The following DNAJC15 variants were observed in gnomAD, a reference collection of about 807,000 sequenced individuals.
DNAJC15 encodes the protein DnaJ heat shock protein family (Hsp40) member C15.
In DNAJC15, 27 loss-of-function variants were observed where a neutral mutation model predicts 22.4. That is an observed-to-expected ratio of 1.20 (90% CI 0.89 to 1.66). The LOEUF (loss-of-function observed/expected upper bound fraction) is 1.66, where lower values mean the gene tolerates loss of function less well. Ranked by LOEUF, DNAJC15 falls within the 40% of genes most tolerant of loss-of-function variation. The pLI is 0.00. For missense variants in DNAJC15, 208 were observed against 187.1 expected (o/e 1.11, Z -0.65); for synonymous variants, 79 against 63.2 (o/e 1.25, Z -1.19).
intron 1 of DNAJC15, among the ~76,000 whole-genome samples, chr13:43,046,667 C>T (rs1373103492): frequency 6.6e-6 from 1 of 152,164 alleles, no homozygotes. Flanking sequence ...GGGCAACCCC[C>T]TTTGGGTCCT....
intron 5 of DNAJC15, among the ~76,000 whole-genome samples, chr13:43,103,887 TG>T (rs1336034711): frequency 1.1e-4 from 16 of 152,218 alleles, no homozygotes; most frequent in Non-Finnish European, 2.1e-4. Flanking sequence ...ACTGTGAAAT[TG>T]GCTGTTTTAT....
chr13:43,061,928 T>C (rs2040561023), intron 1 of DNAJC15, among the ~76,000 whole-genome samples: 1 of 152,240 alleles, frequency 6.6e-6, no homozygotes, highest in South Asian at 2.1e-4. Context: ...CAAGTTTCTA[T>C]GTAGGACTCA....
chr13:43,107,294 A>G lies in DNAJC15; in HGVS notation c.*46A>G, dbSNP rs2040802025. The G allele has an allele frequency of 6.8e-7, 1 of 1,467,382 alleles. No individual in the cohort carries two copies. Among genetic ancestry groups the G allele is most frequent in the Non-Finnish European group, 9.0e-7 (1 of 1,105,116 alleles). The allele number at this position is 1,467,382 out of a possible 1,614,324, so 90.9% of individuals were successfully genotyped here. On this transcript the variant is annotated 3_prime_UTR_variant, in exon 6 of 6. Transcript: ENST00000379221. ...GGAAAAAAAAAGAGGGGACTTCGAA[A>G]AAAAAAAAAGCCCTGCAAAATATTC...
rs149797069 is a variant in DNAJC15 at position 43,109,697 on chromosome 13, A to C, written c.*2449A>C. ...TAAAATAGAGAAAATAATCCTACAC[A>C]CCGGGGCCTGTTGTGGGGCGGGGAG... On this transcript the variant is annotated 3_prime_UTR_variant, in exon 6 of 6. Transcript: ENST00000379221. The C allele has an allele frequency of 1.1e-3, 168 of 150,136 alleles. 1 individual carries two copies. Among genetic ancestry groups the C allele is most frequent in the African/African-American group, 3.6e-3 (148 of 41,146 alleles). The allele number at this position is 150,136 out of a possible 1,614,324, so 9.3% of individuals were successfully genotyped here.
intron 1 of DNAJC15, among the ~76,000 whole-genome samples, chr13:43,031,146 G>C (rs2040402611): frequency 6.6e-6 from 1 of 152,172 alleles, no homozygotes; most frequent in African/African-American, 2.4e-5. Context: ...CAAAATGAGA[G>C]AGCACTTGCT....
chr13:43,045,072 T>C (rs1391937505), intron 1 of DNAJC15, among the ~76,000 whole-genome samples: 1 of 152,132 alleles, frequency 6.6e-6, no homozygotes, highest in Non-Finnish European at 1.5e-5. Flanking sequence ...CATGATCTGC[T>C]CCCCTTGTGA....
Position 43,111,681 on chromosome 13 carries a change from C to G in DNAJC15, c.*4433C>G, listed in dbSNP as rs1593336876. 1 of 152,192 alleles carries G rather than the reference C, an allele frequency of 6.6e-6. No individual in the cohort carries two copies. The highest frequency in any genetic ancestry group is 1.9e-4 in the East Asian group (1 of 5,190). 9.4% of individuals were successfully genotyped at this position (152,192 alleles called of 1,614,324 possible). ...AAGTTAAATATCCAAGTACACCAGCCAATTTCACACAGTGGAACCATGCTG... is the reference window on the plus strand; with the variant it reads ...AAGTTAAATATCCAAGTACACCAGCGAATTTCACACAGTGGAACCATGCTG... On this transcript the variant is annotated 3_prime_UTR_variant, in exon 6 of 6. Transcript: ENST00000379221.
At chr13:43,024,183 G>C (rs2040367064) in intron 1 of DNAJC15, among the ~76,000 whole-genome samples, 1 of 152,050 alleles carries the variant, frequency 6.6e-6, no homozygotes, top group Admixed American at 6.6e-5. Context: ...TCGGGTACCA[G>C]GACTACTGTC....
chr13:43,044,073 T>TA (rs1312864369), intron 1 of DNAJC15, among the ~76,000 whole-genome samples: 7 of 152,240 alleles, frequency 4.6e-5, no homozygotes, highest in African/African-American at 1.7e-4. Flanking sequence ...TCTGCATGTA[T>TA]AATACCTCTT....
chr13:43,087,610 A>T (rs1367001414), intron 5 of DNAJC15, among the ~76,000 whole-genome samples: 1 of 152,160 alleles, frequency 6.6e-6, no homozygotes, highest in African/African-American at 2.4e-5. Context: ...ACCACTGGGT[A>T]TTATAGGTAG....
chr13:43,087,583 T>C (rs2040695428), intron 5 of DNAJC15, among the ~76,000 whole-genome samples: 1 of 152,174 alleles, frequency 6.6e-6, no homozygotes, highest in East Asian at 1.9e-4. Context: ...CTTCAACATA[T>C]TTACTTTAGC....
intron 1 of DNAJC15, among the ~76,000 whole-genome samples, chr13:43,039,269 A>G (rs1042420887): frequency 1.3e-5 from 2 of 152,192 alleles, no homozygotes; most frequent in African/African-American, 2.4e-5. Flanking sequence ...TTTCAACTCT[A>G]TGATTCCGTG....
intron 1 of DNAJC15, among the ~76,000 whole-genome samples, chr13:43,042,258 A>G (rs2040457825): frequency 1.3e-5 from 2 of 152,250 alleles, no homozygotes; most frequent in African/African-American, 4.8e-5. Flanking sequence ...ACAACAAACA[A>G]TGCAATGGAA....
At chr13:43,036,390 A>T (rs2040429124) in intron 1 of DNAJC15, among the ~76,000 whole-genome samples, 1 of 152,104 alleles carries the variant, frequency 6.6e-6, no homozygotes, top group African/African-American at 2.4e-5. Context: ...GGTCATCCTG[A>T]TAAGGGTGTC....
intron 5 of DNAJC15, among the ~76,000 whole-genome samples, chr13:43,090,709 C>CTTTTTTTTT (rs5803165): frequency 7.2e-6 from 1 of 139,522 alleles, no homozygotes. Flanking sequence ...TTCTTTCTTT[C>CTTTTTTTTT]TTTTTTTTTT....
intron 1 of DNAJC15, among the ~76,000 whole-genome samples, chr13:43,043,093 A>T (rs1255947449): frequency 6.6e-6 from 1 of 152,166 alleles, no homozygotes; most frequent in Non-Finnish European, 1.5e-5. Flanking sequence ...ATTTTGGTTT[A>T]AAAAAGCTGC....
intron 1 of DNAJC15, among the ~76,000 whole-genome samples, chr13:43,052,058 T>C (rs2040506822): frequency 6.6e-6 from 1 of 151,336 alleles, no homozygotes; most frequent in African/African-American, 2.4e-5. Flanking sequence ...TCTGGCTGCT[T>C]GGTTCAAGCG....
At chr13:43,038,801 G>GAAAAAAAAAAA (rs562632739) in intron 1 of DNAJC15, among the ~76,000 whole-genome samples, 1 of 107,302 alleles carries the variant, frequency 9.3e-6, no homozygotes, top group Non-Finnish European at 2.0e-5. Flanking sequence ...CAAAAAATAG[G>GAAAAAAAAAAA]AAAAAAAAAA....
chr13:43,037,701 A>G (rs1593310349), intron 1 of DNAJC15, among the ~76,000 whole-genome samples: 1 of 152,164 alleles, frequency 6.6e-6, no homozygotes, highest in Non-Finnish European at 1.5e-5. Flanking sequence ...TGTTTATCCC[A>G]TGTTAAATAT....
Sources: allele counts gnomAD v4.1 joint callset (sites outside exome capture counted in the v4.1 genomes callset), GRCh38; gene constraint gnomAD v4.1.1; transcripts MANE v1.5; gene names NCBI Gene and HGNC (gene_info 2026-07-23, HGNC 2026-07-21).